Variants in CD96 observed in about 807,000 individuals in gnomAD.
CD96 encodes T-cell surface protein tactile.
A neutral mutation model predicts 71.3 loss-of-function variants in CD96; 70 were observed. The ratio of observed to expected loss-of-function variants is 0.98; its 90% CI spans 0.81 to 1.20. The LOEUF (loss-of-function observed/expected upper bound fraction) is 1.20, where lower values mean the gene tolerates loss of function less well. Among genes scored for constraint, CD96 ranks in the 50% most tolerant of loss-of-function variants. The probability of loss-of-function intolerance (pLI) is 0.00; values close to 1 mark genes in which losing one functional copy is unlikely to be tolerated. For missense variants in CD96, 742 were observed against 677.5 expected (o/e 1.10, Z -1.06); for synonymous variants, 248 against 233.0 (o/e 1.06, Z -0.59).
At chr3:111,581,390 A>G (rs1226639826) in intron 4 of CD96, among the ~76,000 whole-genome samples, 3 of 152,216 alleles carry the variant, frequency 2.0e-5, no homozygotes, top group African/African-American at 7.2e-5. Flanking sequence ...TTCCTCATAT[A>G]GAATAAGTCT....
chr3:111,644,279 T>G (rs1939726598), intron 12 of CD96, among the ~76,000 whole-genome samples: 2 of 152,080 alleles, frequency 1.3e-5, no homozygotes, highest in Non-Finnish European at 2.9e-5. Flanking sequence ...GTAGGAGAAT[T>G]AAACTGGATC....
intron 10 of CD96, among the ~76,000 whole-genome samples, chr3:111,628,515 CAG>C (rs1307423941): frequency 1.3e-5 from 2 of 152,048 alleles, no homozygotes; most frequent in African/African-American, 2.4e-5. Flanking sequence ...ATTTGAGAAA[CAG>C]GGGATTATGC....
chr3:111,593,985 T>G (rs34219871), intron 5 of CD96: 3 of 1,614,166 alleles, frequency 1.9e-6, no homozygotes, highest in South Asian at 1.1e-5. Context: ...GCATACTGGT[T>G]GGGATGGTGC....
At chr3:111,640,347 C>G (rs990808266) in intron 12 of CD96, among the ~76,000 whole-genome samples, 2 of 152,072 alleles carry the variant, frequency 1.3e-5, no homozygotes, top group African/African-American at 4.8e-5. Flanking sequence ...GAAATGCTCT[C>G]AAAAGTCTCA....
At chr3:111,566,518 G>A (rs991121626) in intron 2 of CD96, among the ~76,000 whole-genome samples, 2 of 151,974 alleles carry the variant, frequency 1.3e-5, no homozygotes, top group African/African-American at 4.8e-5. Flanking sequence ...TTGGTAAACA[G>A]GATTGCAGAC....
chr3:111,572,759 G>T (rs999818228), intron 3 of CD96, among the ~76,000 whole-genome samples: 4 of 152,168 alleles, frequency 2.6e-5, no homozygotes, highest in African/African-American at 7.2e-5. Flanking sequence ...TCCTGTTTGT[G>T]GAATTTTATA....
At chr3:111,628,260 GCA>G (rs1938877472) in intron 10 of CD96, among the ~76,000 whole-genome samples, 1 of 152,156 alleles carries the variant, frequency 6.6e-6, no homozygotes, top group Non-Finnish European at 1.5e-5. Context: ...GTAACCCAAT[GCA>G]AAGAAGCTAA....
rs139685950 is a variant in CD96, at chr3:111,548,934, G to A, written c.418+3532G>A. On this transcript the variant is annotated intron_variant, in intron 2 of 13. Coordinates refer to ENST00000352690, the MANE Select transcript of CD96 (RefSeq NM_005816.5). ...GACACTGGGCACTAGGCACAGAGTA[G>A]GCATATATGCATGACTGTGTCTTCA... Among the ~76,000 whole-genome samples the A allele has an allele frequency of 2.9e-3, 446 of 152,194 alleles. 2 individuals are homozygous for A. The highest frequency in any genetic ancestry group is 0.01 in the African/African-American group (424 of 41,514).
intron 14 of CD96, among the ~76,000 whole-genome samples, chr3:111,661,310 G>A (rs138814177): frequency 2.6e-5 from 4 of 152,292 alleles, no homozygotes; most frequent in African/African-American, 9.6e-5. Context: ...ATGAGATTTA[G>A]ATGGGGACAC....
intron 6 of CD96, among the ~76,000 whole-genome samples, 159 bp from the exon 7 acceptor site, chr3:111,600,567 A>T (rs1397613330): frequency 6.6e-6 from 1 of 152,204 alleles, no homozygotes; most frequent in South Asian, 2.1e-4. Flanking sequence ...GCTCAAGTTA[A>T]TTTCAGATCT....
chr3:111,561,550 G>C (rs1181534933), intron 2 of CD96, among the ~76,000 whole-genome samples: 2 of 148,056 alleles, frequency 1.4e-5, no homozygotes, highest in East Asian at 4.0e-4. Flanking sequence ...CCCACTTGAG[G>C]AGGCAGTCTG....
intron 8 of CD96, among the ~76,000 whole-genome samples, chr3:111,608,994 G>T (rs977628351): frequency 6.6e-6 from 1 of 152,184 alleles, no homozygotes; most frequent in Non-Finnish European, 1.5e-5. Flanking sequence ...AAACCAGTAA[G>T]TATTAGACTT....
intron 2 of CD96, among the ~76,000 whole-genome samples, chr3:111,545,739 G>A (rs1209421197): frequency 9.2e-5 from 14 of 152,182 alleles, no homozygotes; most frequent in Admixed American, 9.2e-4. Flanking sequence ...GGCTGAGGCA[G>A]AGTGGGATTG....
At position 111,606,738 on chromosome 3, in the gene CD96, A is replaced by G. The variant is rs147445900; in HGVS notation, c.1126A>G (p.Thr376Ala). Residue 376 changes from threonine to alanine, a missense_variant, in exon 8 of 14, where the codon ACA (threonine) becomes GCA (alanine). Transcript: ENST00000352690. ...ISSTDPPLSV[T>A]ESTLDTQPSP... ...CTCAACAGACCCTCCACTGAGTGTT[A>G]CAGAATCTACCCTTGACACCCAACC... 8.7e-6 allele frequency: 14 copies of G among 1,607,598 alleles called. No individual in the cohort carries two copies. Among genetic ancestry groups the G allele is most frequent in the Non-Finnish European group, 1.2e-5 (14 of 1,174,022 alleles).
intron 7 of CD96, among the ~76,000 whole-genome samples, chr3:111,602,043 A>G (rs1258263188): frequency 6.6e-6 from 1 of 152,200 alleles, no homozygotes; most frequent in Non-Finnish European, 1.5e-5. Context: ...ATGTATTTAC[A>G]CTAAAATAGC....
intron 14 of CD96, among the ~76,000 whole-genome samples, chr3:111,661,829 T>C (rs1256731199): frequency 6.6e-6 from 1 of 152,206 alleles, no homozygotes; most frequent in African/African-American, 2.4e-5. Context: ...ATGGTGAGGT[T>C]GTCAGTGGAT....
chr3:111,647,464 GT>G (rs1368156094), intron 12 of CD96, 78 bp from the exon 13 acceptor site: 3 of 1,292,170 alleles, frequency 2.3e-6, no homozygotes, highest in Non-Finnish European at 2.2e-6. Flanking sequence ...TATGTTTCAC[GT>G]AGGAAAAATG....
intron 8 of CD96, among the ~76,000 whole-genome samples, chr3:111,616,588 T>C (rs1576394927): frequency 2.0e-5 from 3 of 152,272 alleles, no homozygotes; most frequent in Admixed American, 1.3e-4. Context: ...ACTACACTTA[T>C]AAGGCTACCA....
chr3:111,566,011 C>T (rs915728881), intron 2 of CD96, among the ~76,000 whole-genome samples: 1 of 148,748 alleles, frequency 6.7e-6, no homozygotes, highest in Non-Finnish European at 1.5e-5. Context: ...TGTTATATAG[C>T]ATATATTTAT....
Sources: allele counts gnomAD v4.1 joint callset (sites outside exome capture counted in the v4.1 genomes callset), GRCh38; gene constraint gnomAD v4.1.1; transcripts MANE v1.5; gene names NCBI Gene and HGNC (gene_info 2026-07-23, HGNC 2026-07-21).